BRD10: variants seen among roughly 807,000 people sequenced by gnomAD.
BRD10 encodes uncharacterized bromodomain-containing protein 10.
At chr9:5,949,667 T>A in the BRD10 span, among the ~76,000 whole-genome samples, 913 of 152,296 alleles carry the variant, frequency 6.0e-3, 11 homozygotes, top group African/African-American at 0.021. Context: ...TGGTTATTGT[T>A]GAAAAGCAGA....
chr9:5,921,704 T>C, the BRD10 span: 5 of 1,613,870 alleles, frequency 3.1e-6, no homozygotes, highest in Non-Finnish European at 4.2e-6. Flanking sequence ...ATGAATAATA[T>C]TTGCATTGTT....
the BRD10 span, chr9:6,007,632 G>T: frequency 1.2e-6 from 2 of 1,602,370 alleles, no homozygotes; most frequent in Non-Finnish European, 1.7e-6. Flanking sequence ...GATCGTCCGC[G>T]TCCTCCAGCG....
the BRD10 span, among the ~76,000 whole-genome samples, chr9:5,978,562 T>C: frequency 2.0e-5 from 3 of 152,198 alleles, no homozygotes; most frequent in Non-Finnish European, 2.9e-5. Context: ...AACCTTCTTA[T>C]TTATCTGACA....
At chr9:5,949,411 A>T in the BRD10 span, among the ~76,000 whole-genome samples, 1 of 152,170 alleles carries the variant, frequency 6.6e-6, no homozygotes, top group African/African-American at 2.4e-5. Flanking sequence ...CCTAATTTTA[A>T]TTTTGGTTTC....
At chr9:5,951,276 T>A in the BRD10 span, among the ~76,000 whole-genome samples, 1 of 151,528 alleles carries the variant, frequency 6.6e-6, no homozygotes, top group African/African-American at 2.4e-5. Flanking sequence ...AAAAACATTG[T>A]CAAACTAAAA....
chr9:5,911,231 A>ATACG, the BRD10 span, among the ~76,000 whole-genome samples: 1 of 152,196 alleles, frequency 6.6e-6, no homozygotes, highest in Non-Finnish European at 1.5e-5. Flanking sequence ...ATGGCAAAAG[A>ATACG]TACGGGTCTT....
At chr9:5,882,115 G>C in the BRD10 span, among the ~76,000 whole-genome samples, 6 of 152,178 alleles carry the variant, frequency 3.9e-5, no homozygotes, top group Admixed American at 3.3e-4. Flanking sequence ...AAACAGCAAA[G>C]ACTAGGAAGA....
chr9:5,996,133 G>A, the BRD10 span, among the ~76,000 whole-genome samples: 1 of 152,224 alleles, frequency 6.6e-6, no homozygotes, highest in African/African-American at 2.4e-5. Context: ...TTAGTGGTAA[G>A]TAAAGCCATT....
the BRD10 span, among the ~76,000 whole-genome samples, chr9:5,944,169 A>G: frequency 7.0e-4 from 106 of 152,242 alleles, no homozygotes; most frequent in African/African-American, 2.4e-3. Context: ...TTTCCCATTT[A>G]TTTACTGGTA....
the BRD10 span, among the ~76,000 whole-genome samples, chr9:5,972,291 G>A: frequency 3.3e-5 from 5 of 152,264 alleles, no homozygotes; most frequent in African/African-American, 1.2e-4. Context: ...CTGAAAACAT[G>A]AGCAAAGAGA....
At chr9:5,894,362 A>G in the BRD10 span, among the ~76,000 whole-genome samples, 22 of 152,106 alleles carry the variant, frequency 1.4e-4, no homozygotes, top group Non-Finnish European at 2.1e-4. The surrounding 1 kb of genome is among the most constrained non-coding windows in gnomAD (Gnocchi z 4.0). Context: ...TGGGACTGAG[A>G]CTGAGGAGGC....
chr9:5,974,721 C>G, the BRD10 span, among the ~76,000 whole-genome samples: 1 of 152,070 alleles, frequency 6.6e-6, no homozygotes, highest in Admixed American at 6.6e-5. Context: ...AGAGGATCTC[C>G]CTGGAGTATT....
chr9:5,953,010 A>G, the BRD10 span, among the ~76,000 whole-genome samples: 2 of 152,112 alleles, frequency 1.3e-5, no homozygotes, highest in Non-Finnish European at 2.9e-5. Flanking sequence ...AAACATGTCT[A>G]TTTTCTTTAA....
the BRD10 span, among the ~76,000 whole-genome samples, chr9:5,951,035 TACACAC>T: frequency 0.1 from 14,095 of 141,636 alleles, 816 homozygotes; most frequent in Non-Finnish European, 0.14. Flanking sequence ...GGGCTGACTG[TACACAC>T]ACACACACAC....
At chr9:5,900,334 G>C in the BRD10 span, among the ~76,000 whole-genome samples, 1 of 151,902 alleles carries the variant, frequency 6.6e-6, no homozygotes, top group African/African-American at 2.4e-5. Context: ...AGAGGGAATC[G>C]TGTTTAAATT....
At chr9:5,987,621 A>G in the BRD10 span, among the ~76,000 whole-genome samples, 1 of 152,234 alleles carries the variant, frequency 6.6e-6, no homozygotes, top group Non-Finnish European at 1.5e-5. Flanking sequence ...AGCAAGTTAC[A>G]TTTATTATTA....
At chr9:5,939,381 CATCAT>C in the BRD10 span, among the ~76,000 whole-genome samples, 2 of 152,164 alleles carry the variant, frequency 1.3e-5, no homozygotes, top group Non-Finnish European at 2.9e-5. Context: ...GAACATATCA[CATCAT>C]ATTTCTAAAA....
the BRD10 span, among the ~76,000 whole-genome samples, chr9:5,889,933 T>A: frequency 6.6e-6 from 1 of 152,210 alleles, no homozygotes; most frequent in African/African-American, 2.4e-5. Flanking sequence ...TTCACATAGA[T>A]GGAAACCCAC....
chr9:5,986,205 T>C, the BRD10 span, among the ~76,000 whole-genome samples: 1 of 152,322 alleles, frequency 6.6e-6, no homozygotes, highest in East Asian at 1.9e-4. Context: ...CTCCCACTTA[T>C]GAGTGAGAAC....
Sources: allele counts gnomAD v4.1 joint callset (sites outside exome capture counted in the v4.1 genomes callset), GRCh38; gene constraint gnomAD v4.1.1; non-coding constraint Gnocchi (gnomAD v3.1); transcripts MANE v1.5; gene names NCBI Gene and HGNC (gene_info 2026-07-23, HGNC 2026-07-21).